The following KALRN variants were observed in gnomAD, a reference collection of about 807,000 sequenced individuals.
KALRN encodes the protein kalirin RhoGEF kinase, also known as kalirin.
In KALRN, 70 loss-of-function variants were observed where a neutral mutation model predicts 353.7. That is an observed-to-expected ratio of 0.20 (90% CI 0.16 to 0.24). KALRN has a LOEUF of 0.24. Ranked by LOEUF, KALRN falls within the 10% of genes least tolerant of loss-of-function variation. KALRN has a pLI of 1.00. For synonymous variants in KALRN, 1,391 were observed against 1,434.8 expected (o/e 0.97, Z 0.69); for missense variants, 2,791 against 3,756.7 (o/e 0.74, Z 6.72).
chr3:124,254,840 A>G (rs1032236176), intron 3 of KALRN, among the ~76,000 whole-genome samples: 3 of 152,130 alleles, frequency 2.0e-5, no homozygotes, highest in Non-Finnish European at 4.4e-5. Flanking sequence ...ACCAAAGTTC[A>G]TGATTTCTGC....
rs75601184 is a variant in KALRN, at chr3:124,394,404, C to T, written c.1963-731C>T. 1.0e-3 allele frequency among the ~76,000 whole-genome samples: 154 copies of T among 152,324 alleles called. 3 individuals are homozygous for T. The East Asian group carries it at 0.027, about 27-fold the overall frequency. On this transcript the variant is annotated intron_variant, in intron 11 of 59. Coordinates refer to ENST00000682506, the MANE Select transcript of KALRN (RefSeq NM_001388419.1). ...CTGTATTCAGTATGATGAGGAAAAG[C>T]TATCAATAAATGATTTTTCAGTAAT...
intron 13 of KALRN, among the ~76,000 whole-genome samples, chr3:124,405,040 T>TG (rs1022109391): frequency 1.2e-4 from 18 of 150,332 alleles, no homozygotes; most frequent in African/African-American, 4.3e-4. Context: ...TCACATTTTC[T>TG]AAGTACCCCC....
chr3:124,511,926 C>T (rs902131698), intron 33 of KALRN, among the ~76,000 whole-genome samples: 4 of 152,152 alleles, frequency 2.6e-5, no homozygotes, highest in African/African-American at 7.2e-5. Flanking sequence ...TATTGTTTCT[C>T]ATGGGTTAGT....
At chr3:124,454,032 C>A (rs1241018122) in intron 21 of KALRN, among the ~76,000 whole-genome samples, 1 of 152,170 alleles carries the variant, frequency 6.6e-6, no homozygotes, top group Non-Finnish European at 1.5e-5. Flanking sequence ...AGGTATTGAA[C>A]AAACTCTTGC....
chr3:124,249,125 T>C (rs1242644300), intron 3 of KALRN, among the ~76,000 whole-genome samples: 2 of 152,238 alleles, frequency 1.3e-5, no homozygotes, highest in African/African-American at 4.8e-5. Context: ...TTTAATTCTG[T>C]GGATACACAG....
chr3:124,385,187 T>G lies in KALRN; in HGVS notation c.1962+151T>G, dbSNP rs532024212. On this transcript the variant is annotated intron_variant, in intron 11 of 59. Transcript: ENST00000682506. The stretch of plus-strand genomic sequence containing the variant: ...GGTAATATTAACAATTCATTCCTGA[T>G]AGCCTGCATTTAGGTCTCTCCGAAT... The G allele has an allele frequency of 7.0e-5, 42 of 598,612 alleles. No homozygotes were observed. In the East Asian group the frequency reaches 1.2e-3, roughly 17 times the overall value. The allele number at this position is 598,612 out of a possible 1,614,324, so 37.1% of individuals were successfully genotyped here.
At chr3:124,355,426 A>T (rs1176641450) in intron 10 of KALRN, among the ~76,000 whole-genome samples, 1 of 152,214 alleles carries the variant, frequency 6.6e-6, no homozygotes, top group African/African-American at 2.4e-5. Flanking sequence ...GTGAAGTTGA[A>T]GTAACTGGAT....
Position 124,724,299 on chromosome 3 carries a change from C to T in KALRN, c.*4829C>T, listed in dbSNP as rs1304810319. 1.3e-5 allele frequency: 2 copies of T among 152,112 alleles called. No homozygotes were observed. The highest frequency in any genetic ancestry group is 2.9e-5 in the Non-Finnish European group (2 of 68,012). The allele number at this position is 152,112 out of a possible 1,614,324, so 9.4% of individuals were successfully genotyped here. ...GTAGTAGGGCAAAGTTCAAACTCAC[C>T]ATGTCCTTATTCAGTATGGTCAATG... On this transcript the variant is annotated 3_prime_UTR_variant, in exon 60 of 60. Coordinates refer to ENST00000682506, the MANE Select transcript of KALRN (RefSeq NM_001388419.1).
chr3:124,520,936 A>C (rs1045720331), intron 33 of KALRN, among the ~76,000 whole-genome samples: 4 of 152,212 alleles, frequency 2.6e-5, no homozygotes, highest in African/African-American at 7.2e-5. Context: ...TCAAATTCAG[A>C]TCTCTCATCC....
intron 21 of KALRN, among the ~76,000 whole-genome samples, chr3:124,452,838 A>G (rs995311119): frequency 1.3e-5 from 2 of 152,198 alleles, no homozygotes; most frequent in African/African-American, 4.8e-5. Flanking sequence ...TTGATGTTTT[A>G]AGATATAATT....
At chr3:124,214,531 A>G (rs1338857218) in intron 1 of KALRN, among the ~76,000 whole-genome samples, 2 of 152,192 alleles carry the variant, frequency 1.3e-5, no homozygotes, top group Non-Finnish European at 2.9e-5. Flanking sequence ...CCTCTTTTCC[A>G]GGGAGCTGAA....
At chr3:124,477,131 A>C in intron 26 of KALRN, 114 bp from the exon 27 acceptor site, 1 of 620,084 alleles carries the variant, frequency 1.6e-6, no homozygotes, top group African/African-American at 1.8e-5. Context: ...TAGAAAATCT[A>C]GACACTGGTG....
At chr3:124,484,977 T>G (rs1188153070) in intron 28 of KALRN, among the ~76,000 whole-genome samples, 1 of 152,084 alleles carries the variant, frequency 6.6e-6, no homozygotes, top group African/African-American at 2.4e-5. Context: ...GTGCCTGTAA[T>G]CCCAGCTACT....
At chr3:124,123,280 C>T (rs903122180) in intron 1 of KALRN, among the ~76,000 whole-genome samples, 7 of 151,202 alleles carry the variant, frequency 4.6e-5, no homozygotes, top group South Asian at 2.1e-4. Flanking sequence ...AAATTCTTGA[C>T]GGAAATTAAA....
At chr3:124,480,508 T>C (rs946996005) in intron 27 of KALRN, among the ~76,000 whole-genome samples, 7 of 152,230 alleles carry the variant, frequency 4.6e-5, no homozygotes, top group Non-Finnish European at 1.0e-4. Context: ...CTACATTGCA[T>C]ACCTGGACCT....
At chr3:124,360,109 C>G (rs544203021) in intron 10 of KALRN, among the ~76,000 whole-genome samples, 1 of 152,206 alleles carries the variant, frequency 6.6e-6, no homozygotes, top group Non-Finnish European at 1.5e-5. Context: ...GTTCAGCGAC[C>G]CAAGGTGGAG....
rs374524046 is a variant in KALRN at position 124,718,996 on chromosome 3, C to A, written c.8487C>A (p.Val2829=). The part of the protein sequence containing the change: ...RVKLIDLEDA[V]QISGHFHIHH... ...AGCTCATTGACTTGGAGGATGCTGTCCAGATCTCGGGTCACTTCCACATTC... is the reference window on the plus strand; with the variant it reads ...AGCTCATTGACTTGGAGGATGCTGTACAGATCTCGGGTCACTTCCACATTC... The change falls in exon 60 of 60, where the codon GTC becomes GTA. Residue 2829 remains valine (V), a synonymous_variant. Coordinates refer to ENST00000682506, the MANE Select transcript of KALRN (RefSeq NM_001388419.1). 29 of 1,614,080 alleles carry A rather than the reference C, an allele frequency of 1.8e-5. 1 individual carries two copies. The East Asian group carries it at 2.5e-4, about 14-fold the overall frequency.
rs117501659 is a variant in KALRN, at chr3:124,694,974, G to T, written c.7577+471G>T. ...CCCCAAGTGAATCTCTAAGTCAGAA[G>T]ATTTAGACTTCTGATTTAAGTGGCG... On this transcript the variant is annotated intron_variant, in intron 53 of 59. Transcript: ENST00000682506. 6.6e-4 allele frequency among the ~76,000 whole-genome samples: 100 copies of T among 152,314 alleles called. 1 individual carries two copies. In the East Asian group the frequency reaches 0.019, roughly 29 times the overall value.
At chr3:124,104,879 A>G (rs979714545) in intron 1 of KALRN, among the ~76,000 whole-genome samples, 4 of 152,194 alleles carry the variant, frequency 2.6e-5, no homozygotes, top group Non-Finnish European at 5.9e-5. Flanking sequence ...GGTGGGGCCA[A>G]ACATTCTAGA....
Sources: gnomAD v4.1 joint callset for allele counts (sites outside exome capture counted in the v4.1 genomes callset) on GRCh38, gnomAD v4.1.1 for gene constraint, MANE v1.5 for transcripts, NCBI Gene and HGNC (gene_info 2026-07-23, HGNC 2026-07-21) for gene names.